ZMAT4: variants seen among roughly 807,000 people sequenced by gnomAD.
The protein encoded by ZMAT4 is zinc finger matrin-type 4.
ZMAT4 carries 17 observed loss-of-function variants against 28.7 expected under a neutral mutation model. That is an observed-to-expected ratio of 0.59 (90% CI 0.41 to 0.89). The LOEUF is 0.89. Ranked by LOEUF, ZMAT4 falls within the 40% of genes least tolerant of loss-of-function variation. The pLI, the probability that ZMAT4 is intolerant of heterozygous loss-of-function variation, is 0.00. For synonymous variants in ZMAT4, 117 were observed against 109.2 expected (o/e 1.07, Z -0.44); for missense variants, 240 against 283.8 (o/e 0.85, Z 1.11).
chr8:40,596,003 G>C (rs1463471444), intron 5 of ZMAT4, among the ~76,000 whole-genome samples: 1 of 152,096 alleles, frequency 6.6e-6, no homozygotes, highest in Non-Finnish European at 1.5e-5. Context: ...AGAATCACTT[G>C]AACCCAGGAG....
chr8:40,885,759 T>C (rs1300941526), intron 1 of ZMAT4, among the ~76,000 whole-genome samples: 1 of 152,226 alleles, frequency 6.6e-6, no homozygotes, highest in Non-Finnish European at 1.5e-5. Context: ...CTTCAGGGTC[T>C]TCTTGGGCTG....
intron 3 of ZMAT4, among the ~76,000 whole-genome samples, chr8:40,724,175 C>A (rs1434056330): frequency 2.6e-5 from 4 of 152,104 alleles, no homozygotes; most frequent in Non-Finnish European, 5.9e-5. Context: ...AGCAAAGCAG[C>A]CCTGGGATAA....
chr8:40,646,368 GTA>G (rs1454302963), intron 5 of ZMAT4, among the ~76,000 whole-genome samples: 3 of 150,936 alleles, frequency 2.0e-5, no homozygotes, highest in African/African-American at 7.3e-5. Flanking sequence ...GTTTCTCTAA[GTA>G]TTATTGTAAA....
intron 2 of ZMAT4, among the ~76,000 whole-genome samples, chr8:40,797,000 G>A (rs11998235): frequency 4.1e-4 from 62 of 152,236 alleles, no homozygotes; most frequent in African/African-American, 1.3e-3. Context: ...GCAGGGAATC[G>A]CCCCTGGTTA....
At chr8:40,660,696 C>G (rs951156331) in intron 5 of ZMAT4, among the ~76,000 whole-genome samples, 1 of 152,178 alleles carries the variant, frequency 6.6e-6, no homozygotes, top group Non-Finnish European at 1.5e-5. Context: ...TGTTTCCTCC[C>G]TTACCTCAAC....
chr8:40,822,972 A>G (rs1166376970), intron 2 of ZMAT4, among the ~76,000 whole-genome samples: 5 of 152,352 alleles, frequency 3.3e-5, no homozygotes, highest in South Asian at 2.1e-4. Flanking sequence ...GTATGTTAAC[A>G]GGAAAACGTG....
chr8:40,813,629 C>T (rs1815416379), intron 2 of ZMAT4, among the ~76,000 whole-genome samples: 2 of 152,220 alleles, frequency 1.3e-5, no homozygotes, highest in Admixed American at 1.3e-4. Context: ...AGGTTATACA[C>T]GGGAGCTGGC....
chr8:40,621,048 G>C (rs2118690655), intron 5 of ZMAT4, among the ~76,000 whole-genome samples: 1 of 152,318 alleles, frequency 6.6e-6, no homozygotes, highest in Non-Finnish European at 1.5e-5. Context: ...TATTAGAGAA[G>C]TGGCATCCAC....
chr8:40,800,352 TAAGA>T (rs56934175), intron 2 of ZMAT4, among the ~76,000 whole-genome samples: 108,526 of 151,454 alleles, frequency 0.72, 39,091 homozygotes, highest in Middle Eastern at 0.79. Context: ...CAGAAACTAA[TAAGA>T]AAGAACATAA....
At chr8:40,785,199 C>A (rs1303779507) in intron 2 of ZMAT4, among the ~76,000 whole-genome samples, 2 of 152,212 alleles carry the variant, frequency 1.3e-5, no homozygotes, top group Non-Finnish European at 2.9e-5. Flanking sequence ...AAGACTGACC[C>A]GTCTCTGAAA....
chr8:40,682,538 T>C lies in ZMAT4; in HGVS notation c.350-7607A>G, dbSNP rs192928819. 2.2e-3 allele frequency among the ~76,000 whole-genome samples: 333 copies of C among 152,282 alleles called. 1 individual carries two copies. Among genetic ancestry groups the C allele is most frequent in the Non-Finnish European group, 3.8e-3 (259 of 68,020 alleles). On this transcript the variant is annotated intron_variant, in intron 4 of 6. Coordinates refer to ENST00000297737, the MANE Select transcript of ZMAT4 (RefSeq NM_024645.3). ...ATGCGAATTCTGCTACCCAGCCCCA[T>C]GAGATAGAAAAATCCACATGCTATT...
At chr8:40,822,726 C>T (rs1159920101) in intron 2 of ZMAT4, among the ~76,000 whole-genome samples, 1 of 152,168 alleles carries the variant, frequency 6.6e-6, no homozygotes, top group Non-Finnish European at 1.5e-5. Context: ...CAAGAATGCA[C>T]AGCTCTTTCT....
At chr8:40,642,814 C>T (rs1807104192) in intron 5 of ZMAT4, among the ~76,000 whole-genome samples, 1 of 152,184 alleles carries the variant, frequency 6.6e-6, no homozygotes, top group African/African-American at 2.4e-5. Flanking sequence ...AGATCATTTC[C>T]ATTCTAGCAG....
intron 5 of ZMAT4, among the ~76,000 whole-genome samples, chr8:40,668,160 C>G (rs1290276359): frequency 6.6e-6 from 1 of 151,980 alleles, no homozygotes; most frequent in Non-Finnish European, 1.5e-5. Flanking sequence ...GAAGAGTTCC[C>G]AGGCATCATT....
At chr8:40,728,835 C>T (rs1346515077) in intron 3 of ZMAT4, among the ~76,000 whole-genome samples, 1 of 152,116 alleles carries the variant, frequency 6.6e-6, no homozygotes, top group Non-Finnish European at 1.5e-5. Flanking sequence ...GTCTAGTGCT[C>T]ATGTGTAGTC....
intron 5 of ZMAT4, among the ~76,000 whole-genome samples, chr8:40,589,124 C>T (rs1804766546): frequency 6.6e-6 from 1 of 152,162 alleles, no homozygotes; most frequent in South Asian, 2.1e-4. Context: ...ATAGCTAATA[C>T]TGATATATGC....
At chr8:40,823,205 A>G (rs1009496873) in intron 2 of ZMAT4, among the ~76,000 whole-genome samples, 1 of 152,168 alleles carries the variant, frequency 6.6e-6, no homozygotes, top group Non-Finnish European at 1.5e-5. Context: ...GAAAGATCAA[A>G]TGAATAAAAC....
At chr8:40,694,859 C>T (rs1563416448) in intron 4 of ZMAT4, among the ~76,000 whole-genome samples, 2 of 152,146 alleles carry the variant, frequency 1.3e-5, no homozygotes, top group Non-Finnish European at 2.9e-5. Context: ...CCCCTCACTC[C>T]CCTCACCTTT....
chr8:40,565,324 C>T (rs1401518110), intron 6 of ZMAT4, among the ~76,000 whole-genome samples: 3 of 149,898 alleles, frequency 2.0e-5, no homozygotes, highest in African/African-American at 4.9e-5. Flanking sequence ...GAAGTCAAAG[C>T]TTCTATATCA....
Sources: gnomAD v4.1 joint callset for allele counts (sites outside exome capture counted in the v4.1 genomes callset) on GRCh38, gnomAD v4.1.1 for gene constraint, MANE v1.5 for transcripts, NCBI Gene and HGNC (gene_info 2026-07-23, HGNC 2026-07-21) for gene names.